Variants in NBAS observed in about 807,000 individuals in gnomAD.
The protein encoded by NBAS is NAG/BC035112 fusion.
A neutral mutation model predicts 302.5 loss-of-function variants in NBAS; 219 were observed. The ratio of observed to expected loss-of-function variants is 0.72; its 90% CI spans 0.65 to 0.81. The LOEUF (loss-of-function observed/expected upper bound fraction) is 0.81. Among genes scored for constraint, NBAS ranks in the 30% least tolerant of loss-of-function variants. The probability of loss-of-function intolerance (pLI) is 0.00; values close to 1 mark genes in which losing one functional copy is unlikely to be tolerated. For synonymous variants in NBAS, 1,118 were observed against 1,021.6 expected, an observed-to-expected ratio of 1.09 and a Z score of -1.80; for missense variants, 2,932 against 2,841.6, an observed-to-expected ratio of 1.03 and a Z score of -0.72.
chr2:15,078,642 A>G, the NBAS span, among the ~76,000 whole-genome samples: 1 of 152,180 alleles, frequency 6.6e-6, no homozygotes, highest in Non-Finnish European at 1.5e-5. Flanking sequence ...CTGGATTGAG[A>G]TAGAATTTGA....
chr2:15,267,387 T>C (rs1486562105), intron 44 of NBAS, among the ~76,000 whole-genome samples: 1 of 152,178 alleles, frequency 6.6e-6, no homozygotes, highest in African/African-American at 2.4e-5. Flanking sequence ...AAAATACTTA[T>C]TTTGATCAAA....
chr2:15,523,262 G>A (rs954810347), intron 9 of NBAS, among the ~76,000 whole-genome samples: 2 of 152,116 alleles, frequency 1.3e-5, no homozygotes, highest in African/African-American at 2.4e-5. Flanking sequence ...GAGACTAACT[G>A]CTCAGTCAGC....
At chr2:15,364,359 C>A (rs917842469) in intron 32 of NBAS, among the ~76,000 whole-genome samples, 7 of 152,084 alleles carry the variant, frequency 4.6e-5, no homozygotes, top group Non-Finnish European at 7.3e-5. Context: ...TGGGGAAACC[C>A]CGTTTCTACT....
intron 6 of NBAS, among the ~76,000 whole-genome samples, chr2:15,549,510 C>G (rs1399579331): frequency 6.6e-6 from 1 of 152,044 alleles, no homozygotes; most frequent in Non-Finnish European, 1.5e-5. Flanking sequence ...GGGAGGATCA[C>G]TTGAGCCCAT....
At chr2:14,843,845 T>G in the NBAS span, among the ~76,000 whole-genome samples, 1 of 152,162 alleles carries the variant, frequency 6.6e-6, no homozygotes, top group Non-Finnish European at 1.5e-5. Flanking sequence ...TGAACTCAGG[T>G]GATGCCCGCC....
the NBAS span, among the ~76,000 whole-genome samples, chr2:15,095,883 C>T: frequency 1.6e-4 from 24 of 152,292 alleles, no homozygotes; most frequent in South Asian, 2.1e-3. Flanking sequence ...AAGGCAGAAA[C>T]GGCACAGTAT....
intron 44 of NBAS, among the ~76,000 whole-genome samples, chr2:15,239,457 A>T (rs969783430): frequency 6.6e-6 from 1 of 150,904 alleles, no homozygotes; most frequent in Admixed American, 6.6e-5. Context: ...TGGAACCAGA[A>T]GTATTTTAGA....
the NBAS span, among the ~76,000 whole-genome samples, chr2:15,054,707 G>A: frequency 2.6e-5 from 4 of 152,180 alleles, no homozygotes; most frequent in African/African-American, 4.8e-5. Context: ...CCTCCAGATC[G>A]GGCCAACTGA....
chr2:14,934,499 AC>A, the NBAS span, among the ~76,000 whole-genome samples: 2 of 152,182 alleles, frequency 1.3e-5, no homozygotes, highest in African/African-American at 4.8e-5. Context: ...AGTAGAAAGA[AC>A]TGAGTAGTAT....
At chr2:15,456,750 T>C (rs1679264772) in intron 21 of NBAS, among the ~76,000 whole-genome samples, 1 of 151,906 alleles carries the variant, frequency 6.6e-6, no homozygotes, top group Non-Finnish European at 1.5e-5. Flanking sequence ...AAAACACAAA[T>C]TAATTAGATT....
chr2:15,228,699 A>G (rs1667246713), intron 47 of NBAS, among the ~76,000 whole-genome samples: 2 of 152,202 alleles, frequency 1.3e-5, no homozygotes. Flanking sequence ...AACCTGGAGG[A>G]CATTATGTTA....
the NBAS span, among the ~76,000 whole-genome samples, chr2:15,082,738 G>C: frequency 6.6e-6 from 1 of 152,138 alleles, no homozygotes; most frequent in African/African-American, 2.4e-5. Flanking sequence ...AAGATCATAA[G>C]AACTATCTTT....
At chr2:15,423,276 A>G (rs1478261583) in intron 23 of NBAS, among the ~76,000 whole-genome samples, 2 of 152,214 alleles carry the variant, frequency 1.3e-5, no homozygotes, top group East Asian at 3.8e-4. Context: ...GTGCATCTTC[A>G]TAGACTAGGA....
rs971329042 is a variant in NBAS, at chr2:15,393,829, G to A, written c.3257+398C>T. 10 of 418,858 alleles carry A rather than the reference G, an allele frequency of 2.4e-5. No individual in the cohort carries two copies. In the Admixed American group the frequency reaches 3.1e-4, roughly 13 times the overall value. The allele number at this position is 418,858 out of a possible 1,614,324, so 25.9% of individuals were successfully genotyped here. A position where few individuals can be genotyped will look rare whatever the true frequency, so the allele number is the denominator to read the frequency against. ...ATGAATCACAAAATAATTATACTGA[G>A]TGAAAGCCAAACAAACACACAAACA... On this transcript the variant is annotated intron_variant, in intron 28 of 51. Coordinates refer to ENST00000281513, the MANE Select transcript of NBAS (RefSeq NM_015909.4).
At chr2:14,891,512 T>C in the NBAS span, among the ~76,000 whole-genome samples, 5,743 of 152,252 alleles carry the variant, frequency 0.038, 364 homozygotes, top group African/African-American at 0.13. Flanking sequence ...TTATTTATTA[T>C]AATCACTCAG....
At chr2:14,809,626 A>T in the NBAS span, among the ~76,000 whole-genome samples, 1 of 152,190 alleles carries the variant, frequency 6.6e-6, no homozygotes, top group Non-Finnish European at 1.5e-5. Flanking sequence ...AACCTGTGCT[A>T]GGTAGGGCAG....
At chr2:15,309,050 T>G (rs1017222015) in intron 39 of NBAS, 121 bp downstream of exon 39, 32 of 452,602 alleles carry the variant, frequency 7.1e-5, no homozygotes, top group Middle Eastern at 4.6e-4. Flanking sequence ...AATAAATAAA[T>G]AAAAGAAAAA....
chr2:15,154,149 T>A, the NBAS span, among the ~76,000 whole-genome samples: 1 of 152,200 alleles, frequency 6.6e-6, no homozygotes, highest in Non-Finnish European at 1.5e-5. Context: ...CACTTGGAAG[T>A]TGGCATATTT....
At chr2:14,791,587 A>T in the NBAS span, among the ~76,000 whole-genome samples, 1 of 152,040 alleles carries the variant, frequency 6.6e-6, no homozygotes, top group African/African-American at 2.4e-5. Context: ...GCACATCACG[A>T]GGTCAGGAGT....
Sources: gnomAD v4.1 joint callset for allele counts (sites outside exome capture counted in the v4.1 genomes callset) on GRCh38, gnomAD v4.1.1 for gene constraint, MANE v1.5 for transcripts, NCBI Gene and HGNC (gene_info 2026-07-23, HGNC 2026-07-21) for gene names.